JPH2: variants seen among roughly 807,000 people sequenced by gnomAD.
The protein encoded by JPH2 is junctophilin-2.
A neutral mutation model predicts 55.9 loss-of-function variants in JPH2; 38 were observed. The ratio of observed to expected loss-of-function variants is 0.68; its 90% CI spans 0.52 to 0.89. The LOEUF is 0.89. Ranked by LOEUF, JPH2 falls within the 40% of genes least tolerant of loss-of-function variation. The probability of loss-of-function intolerance (pLI) is 0.00; values close to 1 mark genes in which losing one functional copy is unlikely to be tolerated. For missense variants in JPH2, 964 were observed against 1,037.6 expected (o/e 0.93, Z 0.97); for synonymous variants, 480 against 472.4 (o/e 1.02, Z -0.21).
At chr20:44,148,306 A>G (rs1055867997) in intron 2 of JPH2, among the ~76,000 whole-genome samples, 2 of 152,250 alleles carry the variant, frequency 1.3e-5, no homozygotes, top group African/African-American at 2.4e-5. Flanking sequence ...AGCGTTGGCC[A>G]TTATTATCCC....
chr20:44,131,256 T>A (rs575390931), intron 2 of JPH2, among the ~76,000 whole-genome samples: 9 of 152,290 alleles, frequency 5.9e-5, no homozygotes, highest in African/African-American at 2.2e-4. Context: ...TGGAGAGGAA[T>A]TGAGCCCCTC....
chr20:44,178,053 G>C (rs1049919524), intron 1 of JPH2: 4 of 786,074 alleles, frequency 5.1e-6, no homozygotes, highest in Non-Finnish European at 9.4e-6. Flanking sequence ...GGCACAGCTG[G>C]GATTTGAACC....
At chr20:44,114,694 G>T (rs545223668) in intron 5 of JPH2, 88 bp downstream of exon 5, 3 of 921,426 alleles carry the variant, frequency 3.3e-6, no homozygotes, top group Admixed American at 4.0e-5. Context: ...TCCAAGTACC[G>T]AGTAGGTCCC....
intron 1 of JPH2, among the ~76,000 whole-genome samples, chr20:44,176,071 A>C (rs1600475609): frequency 6.6e-6 from 1 of 152,138 alleles, no homozygotes; most frequent in Admixed American, 6.6e-5. Flanking sequence ...CCTTGGGACC[A>C]TCTTTAACTC....
At chr20:44,174,098 A>G (rs902891787) in intron 1 of JPH2, among the ~76,000 whole-genome samples, 32 of 152,308 alleles carry the variant, frequency 2.1e-4, no homozygotes, top group African/African-American at 7.7e-4. Context: ...GCAGGTAGCC[A>G]CACCCAATTA....
intron 2 of JPH2, among the ~76,000 whole-genome samples, chr20:44,129,844 G>C (rs530683121): frequency 6.6e-6 from 1 of 152,222 alleles, no homozygotes; most frequent in African/African-American, 2.4e-5. Flanking sequence ...CCAATGTGAT[G>C]ATGGGAGCAG....
chr20:44,146,404 C>T (rs1457362480), intron 2 of JPH2, among the ~76,000 whole-genome samples: 1 of 152,110 alleles, frequency 6.6e-6, no homozygotes, highest in East Asian at 1.9e-4. Flanking sequence ...CTGCCCAGAC[C>T]ACTCAGCCTT....
rs191800007 is a variant in JPH2, at chr20:44,186,335, G to T, written c.371C>A (p.Ala124Asp). 6.2e-7 allele frequency: 1 copy of T among 1,610,920 alleles called. No homozygotes were observed. ...LQDGYGTETY[A>D]DGGTYQGQFT... ...CCCCCAGCTGGCCTCACCTCCATCA[G>T]CATAGGTCTCGGTGCCATAGCCGTC... is the stretch of plus-strand genomic sequence containing the variant. Residue 124 changes from alanine to aspartate, a missense_variant, in exon 1 of 6, where the codon GCT (alanine) becomes GAT (aspartate). Physicochemically the swap from Ala to Asp is moderately radical, Grantham distance 126. Coordinates refer to ENST00000372980, the MANE Select transcript of JPH2 (RefSeq NM_020433.5).
intron 2 of JPH2, among the ~76,000 whole-genome samples, chr20:44,136,389 C>A (rs1250412225): frequency 1.3e-5 from 2 of 152,156 alleles, no homozygotes; most frequent in Non-Finnish European, 2.9e-5. Flanking sequence ...GCCTATTCTG[C>A]TCCCTGGGTG....
chr20:44,120,840 G>A (rs2072230468), intron 2 of JPH2, among the ~76,000 whole-genome samples: 1 of 152,202 alleles, frequency 6.6e-6, no homozygotes, highest in Non-Finnish European at 1.5e-5. Flanking sequence ...TGGGGCCCAT[G>A]GGCAAGGGTT....
rs61151932 is a variant in JPH2, at chr20:44,157,593, G to A, written c.1169+2025C>T. 3.1e-3 allele frequency among the ~76,000 whole-genome samples: 476 copies of A among 152,314 alleles called. 6 individuals carry two copies. Among genetic ancestry groups the A allele is most frequent in the East Asian group, 0.027 (140 of 5,184 alleles). ...GATTGTGAGCCACCTGACCTGCACT[G>A]TCGTTCCTAACCCTTAGACCAACTT... is the stretch of plus-strand genomic sequence containing the variant. On this transcript the variant is annotated intron_variant, in intron 2 of 5. Coordinates refer to ENST00000372980, the MANE Select transcript of JPH2 (RefSeq NM_020433.5).
intron 1 of JPH2, chr20:44,178,043 G>T: frequency 1.3e-6 from 1 of 792,338 alleles, no homozygotes; most frequent in Admixed American, 1.7e-5. Context: ...GTTAAGAACC[G>T]GCACAGCTGG....
chr20:44,179,298 A>T (rs1028832638), intron 1 of JPH2, among the ~76,000 whole-genome samples: 1 of 152,218 alleles, frequency 6.6e-6, no homozygotes, highest in African/African-American at 2.4e-5. Flanking sequence ...TTCTTTTTAG[A>T]TGTGTATAGG....
At chr20:44,127,427 T>C (rs536086104) in intron 2 of JPH2, among the ~76,000 whole-genome samples, 19 of 152,258 alleles carry the variant, frequency 1.2e-4, no homozygotes, top group Non-Finnish European at 2.1e-4. Context: ...TTATGTTCCA[T>C]TGGTAATACA....
At chr20:44,185,761 G>T (rs1202729627) in intron 1 of JPH2, among the ~76,000 whole-genome samples, 1 of 151,792 alleles carries the variant, frequency 6.6e-6, no homozygotes, top group Admixed American at 6.6e-5. Context: ...ATGGGTAGAT[G>T]AATGGTTGGG....
intron 2 of JPH2, among the ~76,000 whole-genome samples, chr20:44,125,203 A>G (rs1018089641): frequency 1.3e-5 from 2 of 152,162 alleles, no homozygotes; most frequent in Non-Finnish European, 2.9e-5. Context: ...AATTTTGTTG[A>G]AACACAACTA....
intron 1 of JPH2, among the ~76,000 whole-genome samples, chr20:44,162,975 A>T (rs1317073664): frequency 6.6e-6 from 1 of 150,642 alleles, no homozygotes; most frequent in Non-Finnish European, 1.5e-5. Flanking sequence ...AACCCACAAA[A>T]TTTTTTCCAA....
In JPH2 at chr20:44,117,646, C is replaced by G. The variant is rs561883189; in HGVS notation, c.1288+859G>C. 2.6e-5 allele frequency among the ~76,000 whole-genome samples: 4 copies of G among 152,338 alleles called. No individual in the cohort carries two copies. In the East Asian group the frequency reaches 5.8e-4, roughly 22 times the overall value. ...AAACTCTGGGGGTGGACCCAGCAAT[C>G]TGTGTCAAATTTGAGACCCACTGAC... On this transcript the variant is annotated intron_variant, in intron 3 of 5. Transcript: ENST00000372980.
intron 2 of JPH2, among the ~76,000 whole-genome samples, chr20:44,150,851 C>T (rs2072525734): frequency 6.6e-6 from 1 of 151,996 alleles, no homozygotes; most frequent in Non-Finnish European, 1.5e-5. Flanking sequence ...CATAGCAAGA[C>T]CTCGTCTCTA....
Sources: gnomAD v4.1 joint callset for allele counts (sites outside exome capture counted in the v4.1 genomes callset) on GRCh38, gnomAD v4.1.1 for gene constraint, MANE v1.5 for transcripts, NCBI Gene and HGNC (gene_info 2026-07-23, HGNC 2026-07-21) for gene names.